The following HUNK variants were observed in gnomAD, a reference collection of about 807,000 sequenced individuals.
HUNK encodes the protein hormonally up-regulated Neu-associated kinase.
Under a neutral mutation model 61.0 loss-of-function variants are expected in HUNK, and 21 were observed. The ratio of observed to expected loss-of-function variants is 0.34; its 90% CI spans 0.24 to 0.50. HUNK has a LOEUF of 0.50. Ranked by LOEUF, HUNK falls within the 20% of genes least tolerant of loss-of-function variation. HUNK has a pLI of 0.98. For missense variants in HUNK, 772 were observed against 945.7 expected, an observed-to-expected ratio of 0.82 and a Z score of 2.41; for synonymous variants, 371 against 386.1, an observed-to-expected ratio of 0.96 and a Z score of 0.46.
chr21:31,926,999 C>T (rs200210907), intron 2 of HUNK, among the ~76,000 whole-genome samples: 2 of 114,694 alleles, frequency 1.7e-5, no homozygotes, highest in African/African-American at 3.0e-5. Context: ...CTTTCTTTCT[C>T]TCTCTCTCTT....
At chr21:31,951,273 T>C (rs2052848070) in intron 4 of HUNK, among the ~76,000 whole-genome samples, 1 of 151,878 alleles carries the variant, frequency 6.6e-6, no homozygotes, top group South Asian at 2.1e-4. Flanking sequence ...AAACCAAAAA[T>C]ATTCATTCTG....
chr21:31,918,851 G>T (rs780593698), intron 1 of HUNK, among the ~76,000 whole-genome samples: 2 of 152,222 alleles, frequency 1.3e-5, no homozygotes, highest in South Asian at 4.1e-4. Context: ...TAGGATGTGG[G>T]CCTATCTTTG....
chr21:31,999,965 T>C lies in HUNK; in HGVS notation c.*781T>C. ...ATGAGAAGCAATTCCACCAAACTCA[T>C]GTTTTCACAGGAGGGTTCAGTGTGG... On this transcript the variant is annotated 3_prime_UTR_variant, in exon 11 of 11. Transcript: ENST00000270112. 1 of 395,402 alleles carries C rather than the reference T, an allele frequency of 2.5e-6. No individual in the cohort carries two copies. The allele number at this position is 395,402 out of a possible 1,614,324, so 24.5% of individuals were successfully genotyped here. A position where few individuals can be genotyped will look rare whatever the true frequency, so the allele number is the denominator to read the frequency against.
At chr21:31,987,758 C>G (rs1180604607) in intron 8 of HUNK, among the ~76,000 whole-genome samples, 1 of 152,182 alleles carries the variant, frequency 6.6e-6, no homozygotes, top group Admixed American at 6.5e-5. Context: ...CCCGAGGAAC[C>G]TAGAAAGTGG....
chr21:31,949,922 C>G (rs2052837691), intron 4 of HUNK, among the ~76,000 whole-genome samples: 1 of 152,150 alleles, frequency 6.6e-6, no homozygotes, highest in Non-Finnish European at 1.5e-5. Context: ...ATCTGCCTAA[C>G]AACCCTTCAA....
rs11909675 is a variant in HUNK, at chr21:31,990,057, G to A, written c.1258-72G>A. The A allele has an allele frequency of 8.0e-3, 10,706 of 1,341,922 alleles. 212 individuals carry two copies. The highest frequency in any genetic ancestry group is 0.066 in the African/African-American group (4,594 of 69,534). The allele number at this position is 1,341,922 out of a possible 1,614,324, so 83.1% of individuals were successfully genotyped here. ...AATTCTCAACCAGAGCTGCAGGGCC[G>A]TAGGGGAAGCATTTAGGGAATAAAT... On this transcript the variant is annotated intron_variant, in intron 8 of 10. Transcript: ENST00000270112.
rs370819225 is a variant in HUNK, at chr21:31,958,285, ACTTT to A, written c.747-537_747-534del. On this transcript the variant is annotated intron_variant, in intron 4 of 10. Coordinates refer to ENST00000270112, the MANE Select transcript of HUNK (RefSeq NM_014586.2). Reference sequence around the variant, plus strand: ...TCACATTCAAGTGCTCTCACCCAAGACTTTCTTTCTTTCTTTCTTTCTTTTTTTT... The same window carrying A: ...TCACATTCAAGTGCTCTCACCCAAGACTTTCTTTCTTTCTTTCTTTTTTTT... Among the ~76,000 whole-genome samples, 324 of 149,216 alleles carry A rather than the reference ACTTT, an allele frequency of 2.2e-3. 1 individual carries two copies. The highest frequency in any genetic ancestry group is 4.8e-3 in the Admixed American group (72 of 15,018).
At chr21:31,944,607 G>T in intron 3 of HUNK, among the ~76,000 whole-genome samples, 1 of 151,944 alleles carries the variant, frequency 6.6e-6, no homozygotes, top group African/African-American at 2.4e-5. Flanking sequence ...TGGGGTGTGG[G>T]GGGAGGGTTG....
At chr21:31,947,610 C>T (rs2052818320) in intron 4 of HUNK, among the ~76,000 whole-genome samples, 1 of 152,190 alleles carries the variant, frequency 6.6e-6, no homozygotes, top group African/African-American at 2.4e-5. Context: ...CCATTTTGTT[C>T]CCAGGGTCTG....
At chr21:31,976,299 T>G (rs940829904) in intron 7 of HUNK, among the ~76,000 whole-genome samples, 1 of 152,026 alleles carries the variant, frequency 6.6e-6, no homozygotes, top group African/African-American at 2.4e-5. Context: ...CAACATATAG[T>G]ATACTATTTA....
intron 1 of HUNK, among the ~76,000 whole-genome samples, chr21:31,888,401 T>C (rs1181927877): frequency 6.6e-6 from 1 of 152,140 alleles, no homozygotes; most frequent in African/African-American, 2.4e-5. Flanking sequence ...AGATCTACCA[T>C]CTTTATGGGT....
At chr21:31,960,381 GTT>G (rs34439358) in intron 5 of HUNK, among the ~76,000 whole-genome samples, 62 of 147,386 alleles carry the variant, frequency 4.2e-4, no homozygotes, top group African/African-American at 1.3e-3. Context: ...GAGTAAAAAG[GTT>G]TTTTTTTTTT....
chr21:31,982,867 G>C (rs1031969092), intron 7 of HUNK, among the ~76,000 whole-genome samples: 1 of 152,040 alleles, frequency 6.6e-6, no homozygotes, highest in African/African-American at 2.4e-5. Context: ...GCAATGGCAC[G>C]ATCTTGGCTC....
chr21:31,974,317 T>C (rs1181604146), intron 6 of HUNK: 2 of 358,798 alleles, frequency 5.6e-6, no homozygotes, highest in Non-Finnish European at 9.9e-6. Context: ...TTTAAAATAC[T>C]TCAGCAAAAA....
At chr21:31,998,094 A>T (rs2053218519) in intron 10 of HUNK, among the ~76,000 whole-genome samples, 1 of 151,900 alleles carries the variant, frequency 6.6e-6, no homozygotes, top group Non-Finnish European at 1.5e-5. Context: ...ATTTTTTAAA[A>T]TTTTTTTAGA....
chr21:31,914,408 C>CAAAAAAAAA (rs35023797), intron 1 of HUNK, among the ~76,000 whole-genome samples: 7 of 39,846 alleles, frequency 1.8e-4, no homozygotes, highest in African/African-American at 5.3e-4. Context: ...AACTCTGTCT[C>CAAAAAAAAA]AAAAAAAAAA....
chr21:31,952,505 A>G (rs2052857511), intron 4 of HUNK, among the ~76,000 whole-genome samples: 1 of 152,056 alleles, frequency 6.6e-6, no homozygotes. Flanking sequence ...TGTCCCTTGC[A>G]TCTTGTTAAA....
chr21:31,946,816 T>C (rs1322476806), intron 4 of HUNK, among the ~76,000 whole-genome samples: 2 of 152,234 alleles, frequency 1.3e-5, no homozygotes, highest in East Asian at 3.9e-4. Flanking sequence ...AGTTTCACCA[T>C]GTTGGCCAGG....
intron 2 of HUNK, among the ~76,000 whole-genome samples, chr21:31,933,246 C>G (rs1186243110): frequency 6.6e-6 from 1 of 152,062 alleles, no homozygotes; most frequent in African/African-American, 2.4e-5. Flanking sequence ...TGAGCCACAC[C>G]CCTTTGTTGC....
Sources: allele counts gnomAD v4.1 joint callset (sites outside exome capture counted in the v4.1 genomes callset), GRCh38; gene constraint gnomAD v4.1.1; transcripts MANE v1.5; gene names NCBI Gene and HGNC (gene_info 2026-07-23, HGNC 2026-07-21).